The following LRRFIP2 variants were observed in gnomAD, a reference collection of about 807,000 sequenced individuals.
LRRFIP2 encodes LRR binding FLII interacting protein 2.
LRRFIP2 carries 109 observed loss-of-function variants against 125.9 expected under a neutral mutation model. The observed-to-expected ratio is 0.87, with a 90% CI of 0.74 to 1.01. The LOEUF is 1.01. LRRFIP2 is among the 50% of genes least tolerant of loss of function. The pLI, the probability that LRRFIP2 is intolerant of heterozygous loss-of-function variation, is 0.00. For missense variants in LRRFIP2, 850 were observed against 862.3 expected, an observed-to-expected ratio of 0.99 and a Z score of 0.18; for synonymous variants, 291 against 293.1, an observed-to-expected ratio of 0.99 and a Z score of 0.07.
chr3:37,080,822 C>T (rs1344563528), intron 19 of LRRFIP2, among the ~76,000 whole-genome samples: 2 of 152,114 alleles, frequency 1.3e-5, no homozygotes, highest in Non-Finnish European at 2.9e-5. Context: ...GATTTATCAA[C>T]TCATTCTAAG....
At chr3:37,158,902 G>C (rs1278880101) in intron 1 of LRRFIP2, among the ~76,000 whole-genome samples, 1 of 152,106 alleles carries the variant, frequency 6.6e-6, no homozygotes, top group Non-Finnish European at 1.5e-5. Context: ...ATATAGCACT[G>C]TCACTGCCTT....
intron 21 of LRRFIP2, among the ~76,000 whole-genome samples, chr3:37,069,514 A>G (rs2090776022): frequency 2.0e-5 from 3 of 152,206 alleles, no homozygotes; most frequent in African/African-American, 7.2e-5. Flanking sequence ...TCAAATTCAC[A>G]GAGACAGAAG....
At chr3:37,088,232 CTTCATACATCAGTCAA>C (rs2093202750) in intron 18 of LRRFIP2, among the ~76,000 whole-genome samples, 1 of 152,212 alleles carries the variant, frequency 6.6e-6, no homozygotes, top group Non-Finnish European at 1.5e-5. Flanking sequence ...TTCTCAGTCA[CTTCATACATCAGTCAA>C]TTTACAGCTG....
At chr3:37,061,686 C>G (rs1391387112) in intron 24 of LRRFIP2, among the ~76,000 whole-genome samples, 1 of 152,096 alleles carries the variant, frequency 6.6e-6, no homozygotes, top group Non-Finnish European at 1.5e-5. Flanking sequence ...TGTGCCCAGT[C>G]AAACATCTTT....
At chr3:37,107,585 T>C (rs1360921621) in intron 13 of LRRFIP2, among the ~76,000 whole-genome samples, 1 of 152,232 alleles carries the variant, frequency 6.6e-6, no homozygotes, top group Admixed American at 6.5e-5. Context: ...CTTTTAAAAA[T>C]ACTCTAGAAA....
At chr3:37,118,508 A>C (rs973825714) in intron 6 of LRRFIP2, among the ~76,000 whole-genome samples, 4 of 152,190 alleles carry the variant, frequency 2.6e-5, no homozygotes, top group African/African-American at 9.7e-5. Context: ...AGATTGTTTC[A>C]ATTCTAAATT....
chr3:37,068,202 G>A (rs1223114085), intron 21 of LRRFIP2: 1 of 152,132 alleles, frequency 6.6e-6, no homozygotes, highest in African/African-American at 2.4e-5. Flanking sequence ...GTCACTTTAT[G>A]GATTAGGTAT....
At chr3:37,141,863 T>A (rs888200154) in intron 2 of LRRFIP2, among the ~76,000 whole-genome samples, 1 of 152,278 alleles carries the variant, frequency 6.6e-6, no homozygotes, top group South Asian at 2.1e-4. Flanking sequence ...CTCACGATCA[T>A]AAGATCACTG....
At chr3:37,076,912 C>T (rs943163449) in intron 19 of LRRFIP2, among the ~76,000 whole-genome samples, 2 of 151,938 alleles carry the variant, frequency 1.3e-5, no homozygotes, top group Admixed American at 1.3e-4. Context: ...ACACTAACTG[C>T]ATAGAATAAT....
chr3:37,127,155 C>A (rs570139846), intron 4 of LRRFIP2, among the ~76,000 whole-genome samples: 60 of 152,078 alleles, frequency 3.9e-4, no homozygotes, highest in Non-Finnish European at 7.5e-4. Flanking sequence ...CATTATCTAA[C>A]ATTTTACTGA....
rs528680246 is a variant in LRRFIP2, at chr3:37,079,801, C to T, written c.1278+3835G>A. Among the ~76,000 whole-genome samples the T allele has an allele frequency of 5.9e-5, 9 of 152,210 alleles. No individual in the cohort carries two copies. The South Asian group carries it at 1.2e-3, about 21-fold the overall frequency. On this transcript the variant is annotated intron_variant, in intron 19 of 27. Transcript: ENST00000336686. Reference sequence around the variant, plus strand: ...ACATGGATGAACCTTGAAAACATCACGCTAAGCGAAAGAAGCCAGTCACAA... The same window carrying T: ...ACATGGATGAACCTTGAAAACATCATGCTAAGCGAAAGAAGCCAGTCACAA...
intron 8 of LRRFIP2, among the ~76,000 whole-genome samples, chr3:37,112,566 G>A (rs2094591979): frequency 6.6e-6 from 1 of 152,034 alleles, no homozygotes; most frequent in Admixed American, 6.6e-5. Context: ...CTATTTGTGA[G>A]TTTAGTTACG....
intron 24 of LRRFIP2, 131 bp from the exon 25 acceptor site, chr3:37,059,041 T>C (rs1456744882): frequency 3.5e-6 from 4 of 1,131,574 alleles, no homozygotes; most frequent in Non-Finnish European, 5.0e-6. Context: ...ACCTATTTTC[T>C]TGAGTGCCTA....
At chr3:37,121,840 T>C (rs1023279205) in intron 4 of LRRFIP2, 149 bp from the exon 5 acceptor site, 15 of 602,536 alleles carry the variant, frequency 2.5e-5, no homozygotes, top group Non-Finnish European at 4.3e-5. Flanking sequence ...GCAGCCACAT[T>C]CGTGTGTGTG....
At chr3:37,151,599 C>CTT (rs796655140) in intron 1 of LRRFIP2, among the ~76,000 whole-genome samples, 4 of 139,336 alleles carry the variant, frequency 2.9e-5, no homozygotes, top group East Asian at 2.1e-4. Context: ...TTTTTTTTTT[C>CTT]TTTTTTTTTT....
chr3:37,081,082 C>T (rs959200574), intron 19 of LRRFIP2, among the ~76,000 whole-genome samples: 4 of 152,044 alleles, frequency 2.6e-5, no homozygotes, highest in African/African-American at 9.7e-5. Flanking sequence ...CAGCAAGGCC[C>T]CATCTCCACA....
chr3:37,083,723 G>T lies in LRRFIP2; in HGVS notation c.1191C>A (p.Ile397=), dbSNP rs557718740. ...CATCCTTGAGTGTGTCTACTTGGTAGATCAAATTGTTCTTCTCATTGTCTA... is the reference window on the plus strand; with the variant it reads ...CATCCTTGAGTGTGTCTACTTGGTATATCAAATTGTTCTTCTCATTGTCTA... ...AQLDNEKNNL[I]YQVDTLKDVI... The change falls in exon 19 of 28, where the codon ATC becomes ATA. Residue 397 remains isoleucine, a synonymous_variant. Coordinates refer to ENST00000336686, the MANE Select transcript of LRRFIP2 (RefSeq NM_006309.4). 6.9e-6 allele frequency: 11 copies of T among 1,600,944 alleles called. No individual in the cohort carries two copies. In the South Asian group the frequency reaches 1.1e-4, roughly 16 times the overall value.
chr3:37,065,699 A>G (rs116793365), intron 23 of LRRFIP2, 111 bp downstream of exon 23: 18,847 of 1,312,058 alleles, frequency 0.014, 239 homozygotes, highest in Non-Finnish European at 0.015. Flanking sequence ...TTAAGGATCT[A>G]CTTGAGTCTC....
intron 19 of LRRFIP2, among the ~76,000 whole-genome samples, chr3:37,076,685 A>G (rs1236969023): frequency 1.3e-5 from 2 of 151,982 alleles, no homozygotes; most frequent in African/African-American, 4.8e-5. Context: ...TGACCAACAT[A>G]GAGAAACCCT....
Sources: allele counts gnomAD v4.1 joint callset (sites outside exome capture counted in the v4.1 genomes callset), GRCh38; gene constraint gnomAD v4.1.1; transcripts MANE v1.5; gene names NCBI Gene and HGNC (gene_info 2026-07-23, HGNC 2026-07-21).